Variants in SHROOM3 observed in about 807,000 individuals in gnomAD.
The protein encoded by SHROOM3 is shroom family member 3, also known as protein Shroom3.
A neutral mutation model predicts 138.6 loss-of-function variants in SHROOM3; 47 were observed. That is an observed-to-expected ratio of 0.34 (90% confidence interval 0.27 to 0.43). The LOEUF (loss-of-function observed/expected upper bound fraction) is 0.43, where lower values mean the gene tolerates loss of function less well. Ranked by LOEUF, SHROOM3 falls within the 20% of genes least tolerant of loss-of-function variation. The pLI, the probability that SHROOM3 is intolerant of heterozygous loss-of-function variation, is 1.00. For synonymous variants in SHROOM3, 1,062 were observed against 1,063.3 expected (o/e 1.00, Z 0.02); for missense variants, 2,491 against 2,596.5 (o/e 0.96, Z 0.88).
intron 1 of SHROOM3, among the ~76,000 whole-genome samples, chr4:76,468,848 G>A (rs1408372806): frequency 1.3e-5 from 2 of 151,794 alleles, no homozygotes; most frequent in East Asian, 1.9e-4. Flanking sequence ...TGGCCAACAC[G>A]GTGAAACCCC....
chr4:76,456,743 A>C (rs1046429827), intron 1 of SHROOM3, among the ~76,000 whole-genome samples: 14 of 152,218 alleles, frequency 9.2e-5, no homozygotes, highest in African/African-American at 3.4e-4. Flanking sequence ...ACCACCAAAT[A>C]GGCTTTGGGT....
chr4:76,563,400 C>T (rs1489543442), intron 2 of SHROOM3, among the ~76,000 whole-genome samples: 1 of 152,134 alleles, frequency 6.6e-6, no homozygotes, highest in Non-Finnish European at 1.5e-5. Flanking sequence ...GTAAAAAAGG[C>T]CATATTCTCT....
chr4:76,608,723 C>T (rs112552203), intron 2 of SHROOM3, among the ~76,000 whole-genome samples: 8,908 of 61,594 alleles, frequency 0.14, 1,220 homozygotes, highest in East Asian at 0.41. Context: ...CAGCACAGCA[C>T]AGCACAGCAT....
chr4:76,640,602 C>G (rs1476542388), intron 2 of SHROOM3, among the ~76,000 whole-genome samples: 2 of 152,170 alleles, frequency 1.3e-5, no homozygotes, highest in East Asian at 3.9e-4. Flanking sequence ...CAGAATTTTG[C>G]CTCATAATAT....
intron 1 of SHROOM3, among the ~76,000 whole-genome samples, chr4:76,551,466 A>T (rs1317550450): frequency 6.6e-6 from 1 of 152,236 alleles, no homozygotes. Context: ...CAACATGAGC[A>T]AGACCGTATC....
intron 2 of SHROOM3, among the ~76,000 whole-genome samples, chr4:76,562,837 C>T (rs1240194527): frequency 4.6e-5 from 7 of 152,114 alleles, no homozygotes; most frequent in African/African-American, 1.7e-4. Flanking sequence ...AACAGAACTC[C>T]CTATTTTTAA....
At chr4:76,436,349 A>T in intron 1 of SHROOM3, 129 bp downstream of exon 1, 2 of 863,794 alleles carry the variant, frequency 2.3e-6, no homozygotes, top group Non-Finnish European at 3.4e-6. Flanking sequence ...CTTTCTGATT[A>T]TCTAGAAATA....
intron 2 of SHROOM3, 110 bp downstream of exon 2, chr4:76,555,873 C>T: frequency 8.4e-7 from 1 of 1,185,046 alleles, no homozygotes; most frequent in South Asian, 1.3e-5. Flanking sequence ...GGCTTTAAAC[C>T]TCCATGTATG....
At chr4:76,564,157 T>C (rs897394465) in intron 2 of SHROOM3, among the ~76,000 whole-genome samples, 3 of 152,200 alleles carry the variant, frequency 2.0e-5, no homozygotes, top group African/African-American at 7.2e-5. Flanking sequence ...CTCTTTGAAG[T>C]TCTTAATTTG....
chr4:76,689,350 G>GCGAGCGAGCGC (rs1212324567), intron 2 of SHROOM3, among the ~76,000 whole-genome samples: 1 of 127,890 alleles, frequency 7.8e-6, no homozygotes, highest in South Asian at 2.7e-4. Context: ...TTACCTGGTG[G>GCGAGCGAGCGC]CGAGCGAGCG....
chr4:76,472,886 A>G (rs1041015012), intron 1 of SHROOM3, among the ~76,000 whole-genome samples: 11 of 152,058 alleles, frequency 7.2e-5, no homozygotes, highest in African/African-American at 2.7e-4. Context: ...GTAGAGACGG[A>G]GTTTCACCAT....
At chr4:76,726,575 GTC>G (rs1157313643) in intron 3 of SHROOM3, among the ~76,000 whole-genome samples, 12 of 142,730 alleles carry the variant, frequency 8.4e-5, no homozygotes, top group African/African-American at 2.9e-4. Context: ...TTAAGAGACT[GTC>G]TCTCTGGAAG....
intron 2 of SHROOM3, among the ~76,000 whole-genome samples, chr4:76,696,288 C>G (rs1429116349): frequency 1.3e-5 from 2 of 152,034 alleles, no homozygotes; most frequent in Non-Finnish European, 2.9e-5. Context: ...TCAGCCTCTT[C>G]ACCATCGCCC....
At chr4:76,511,182 C>A (rs1560529184) in intron 1 of SHROOM3, among the ~76,000 whole-genome samples, 10 of 148,200 alleles carry the variant, frequency 6.7e-5, no homozygotes, top group African/African-American at 1.0e-4. Flanking sequence ...AACTCCATCT[C>A]AAAAATAATA....
At chr4:76,716,541 G>A (rs969502104) in intron 3 of SHROOM3, 14 of 422,114 alleles carry the variant, frequency 3.3e-5, no homozygotes, top group African/African-American at 2.9e-4. Flanking sequence ...CCAACTGCCT[G>A]TTAGGTTTAA....
At chr4:76,706,327 C>T (rs983165280) in intron 2 of SHROOM3, among the ~76,000 whole-genome samples, 1 of 152,132 alleles carries the variant, frequency 6.6e-6, no homozygotes, top group African/African-American at 2.4e-5. Flanking sequence ...GTTGACCAGG[C>T]TGGTCTCGAT....
intron 2 of SHROOM3, among the ~76,000 whole-genome samples, chr4:76,669,431 GCCAACATGGTAAAACCCTGT>G (rs1317841318): frequency 6.6e-6 from 1 of 152,076 alleles, no homozygotes; most frequent in Non-Finnish European, 1.5e-5. Flanking sequence ...AACCAGCCTG[GCCAACATGGTAAAACCCTGT>G]CTCTACTAAA....
At chr4:76,544,782 G>T (rs1024602720) in intron 1 of SHROOM3, among the ~76,000 whole-genome samples, 2 of 152,264 alleles carry the variant, frequency 1.3e-5, no homozygotes, top group East Asian at 3.9e-4. Context: ...AGTTGTATTG[G>T]TTGTTTGCAA....
chr4:76,758,720 T>G (rs1027405410), intron 8 of SHROOM3: 5 of 152,322 alleles, frequency 3.3e-5, no homozygotes, highest in Non-Finnish European at 5.9e-5. Flanking sequence ...AGATGATTTT[T>G]TGTGTGTGTG....
Sources: allele counts gnomAD v4.1 joint callset (sites outside exome capture counted in the v4.1 genomes callset), GRCh38; gene constraint gnomAD v4.1.1; transcripts MANE v1.5; gene names NCBI Gene and HGNC (gene_info 2026-07-23, HGNC 2026-07-21).